The following PCDHA5 variants were observed in gnomAD, a reference collection of about 807,000 sequenced individuals.
PCDHA5 encodes protocadherin alpha 5.
In PCDHA5, 43 loss-of-function variants were observed where a neutral mutation model predicts 61.6. The ratio of observed to expected loss-of-function variants is 0.70; its 90% CI spans 0.55 to 0.90. PCDHA5 has a LOEUF of 0.90. Ranked by LOEUF, PCDHA5 falls within the 40% of genes least tolerant of loss-of-function variation. PCDHA5 has a pLI of 0.00. For synonymous variants in PCDHA5, 627 were observed against 543.9 expected (o/e 1.15, Z -2.13); for missense variants, 1,298 against 1,222.7 (o/e 1.06, Z -0.92).
chr5:141,000,405 A>C lies in PCDHA5; in HGVS notation c.2501-9222A>C, dbSNP rs1290838400. Among the ~76,000 whole-genome samples the C allele has an allele frequency of 7.9e-5, 7 of 88,832 alleles. No individual in the cohort carries two copies. In the East Asian group the frequency reaches 9.8e-4, roughly 12 times the overall value. The allele number at this position is 88,832 out of a possible 152,430, so 58.3% of individuals were successfully genotyped here. On this transcript the variant is annotated intron_variant, in intron 3 of 3. Transcript: ENST00000529859. ...TCTCTCTCTCTCTCTCTATATATAT[A>C]TATATATATATATATATTTTTTTTT...
chr5:140,969,011 A>G lies in PCDHA5; in HGVS notation c.2353-9938A>G, dbSNP rs1554231347. On this transcript the variant is annotated intron_variant, in intron 1 of 3. Transcript: ENST00000529859. Reference sequence around the variant, plus strand: ...ATGCTGTGGAGGCTTCTGTGGAGTAAGGGAAAGGTCCCCTGCAGAACTGTA... The same window carrying G: ...ATGCTGTGGAGGCTTCTGTGGAGTAGGGGAAAGGTCCCCTGCAGAACTGTA... The G allele has an allele frequency of 2.5e-6, 4 of 1,614,084 alleles. No individual in the cohort carries two copies. In the South Asian group the frequency reaches 4.4e-5, roughly 18 times the overall value.
chr5:141,002,975 A>G (rs188944079), intron 3 of PCDHA5, among the ~76,000 whole-genome samples: 1 of 152,338 alleles, frequency 6.6e-6, no homozygotes, highest in Admixed American at 6.5e-5. Context: ...TGAAAATAGT[A>G]TCCTTGGTCA....
intron 1 of PCDHA5, chr5:140,871,324 T>G (rs1554165430): frequency 3.1e-6 from 5 of 1,614,048 alleles, no homozygotes; most frequent in Non-Finnish European, 4.2e-6. Flanking sequence ...GCTGGTGTGC[T>G]CCCGCGCGGT....
intron 1 of PCDHA5, among the ~76,000 whole-genome samples, chr5:140,964,181 T>A (rs1563333888): frequency 6.6e-6 from 1 of 152,218 alleles, no homozygotes; most frequent in African/African-American, 2.4e-5. Context: ...ATCATTATAG[T>A]GCCAAATAGA....
chr5:140,841,952 T>C (rs1323540473), intron 1 of PCDHA5: 1 of 1,613,914 alleles, frequency 6.2e-7, no homozygotes, highest in African/African-American at 1.3e-5. Flanking sequence ...GCACCACTTA[T>C]TCCTGACAGC....
chr5:140,881,757 A>G (rs1238055344), intron 1 of PCDHA5, among the ~76,000 whole-genome samples: 1 of 152,166 alleles, frequency 6.6e-6, no homozygotes, highest in Non-Finnish European at 1.5e-5. Flanking sequence ...TACCACAAAA[A>G]CCTACATGAC....
At chr5:140,862,674 C>G (rs782474067) in intron 1 of PCDHA5, 12 of 549,972 alleles carry the variant, frequency 2.2e-5, no homozygotes, top group African/African-American at 3.8e-5. Flanking sequence ...CGCAGGAGAA[C>G]GTGCTGGTGT....
intron 1 of PCDHA5, chr5:140,928,484 G>A (rs1371678688): frequency 1.5e-5 from 25 of 1,614,026 alleles, no homozygotes; most frequent in African/African-American, 4.0e-5. Context: ...CGGGATGGTG[G>A]CATTCCTCCC....
chr5:140,853,444 A>G, intron 1 of PCDHA5: 1 of 982,390 alleles, frequency 1.0e-6, no homozygotes, highest in Non-Finnish European at 1.2e-6. Context: ...TATTTTGCCT[A>G]ATAGGTCTCC....
Position 140,857,842 on chromosome 5 carries a change from T to C in PCDHA5, c.2352+33715T>C, listed in dbSNP as rs932363961. 33 of 1,597,726 alleles carry C rather than the reference T, an allele frequency of 2.1e-5. 1 individual carries two copies. Among genetic ancestry groups the C allele is most frequent in the Non-Finnish European group, 2.7e-5 (32 of 1,167,518 alleles). ...TGGCTAAGGTGCGCGCAGTGGACGCTGACTCTGGATACAACGCGTGGCTGT... is the reference window on the plus strand; with the variant it reads ...TGGCTAAGGTGCGCGCAGTGGACGCCGACTCTGGATACAACGCGTGGCTGT... On this transcript the variant is annotated intron_variant, in intron 1 of 3. Transcript: ENST00000529859.
At chr5:140,836,381 G>T (rs2150259346) in intron 1 of PCDHA5, 8 of 1,613,746 alleles carry the variant, frequency 5.0e-6, no homozygotes, top group South Asian at 1.1e-5. Context: ...CCACCGTGCT[G>T]GTGTCGCTGG....
chr5:140,916,492 C>T (rs1310558218), intron 1 of PCDHA5, among the ~76,000 whole-genome samples: 2 of 152,170 alleles, frequency 1.3e-5, no homozygotes, highest in Admixed American at 6.5e-5. Context: ...GCTCTTTAGT[C>T]AGCAGGTGAT....
chr5:140,961,236 T>C (rs246004), intron 1 of PCDHA5, among the ~76,000 whole-genome samples: 47,773 of 152,034 alleles, frequency 0.31, 7,861 homozygotes, highest in East Asian at 0.53. Context: ...AAAAAGGTGA[T>C]GGAATTTATC....
At chr5:140,876,876 C>T (rs1439703522) in intron 1 of PCDHA5, 1 of 1,614,012 alleles carries the variant, frequency 6.2e-7, no homozygotes, top group Non-Finnish European at 8.5e-7. Context: ...AGGAGAACAA[C>T]CCGCCGGGCT....
intron 3 of PCDHA5, among the ~76,000 whole-genome samples, chr5:141,005,117 C>A (rs2098198148): frequency 6.6e-6 from 1 of 152,214 alleles, no homozygotes; most frequent in South Asian, 2.1e-4. Flanking sequence ...TCTTTAGGGA[C>A]CCCAAAAGTG....
At chr5:140,963,611 A>C (rs955529183) in intron 1 of PCDHA5, among the ~76,000 whole-genome samples, 1 of 152,208 alleles carries the variant, frequency 6.6e-6, no homozygotes, top group Admixed American at 6.5e-5. Context: ...TAATTGGGAA[A>C]GCTTAACTTT....
chr5:140,848,618 C>T lies in PCDHA5; in HGVS notation c.2352+24491C>T, dbSNP rs138258410. ...ACTCCGTCCCGGAGGAAGCCGAACA[C>T]GGCACCTTCGTGGGCCGCATCGCGC... is the stretch of plus-strand genomic sequence containing the variant. On this transcript the variant is annotated intron_variant, in intron 1 of 3. Transcript: ENST00000529859. The T allele has an allele frequency of 2.5e-3, 4,005 of 1,588,154 alleles. 452 individuals carry two copies. Among genetic ancestry groups the T allele is most frequent in the Middle Eastern group, 9.3e-3 (53 of 5,704 alleles).
At chr5:140,940,593 A>G (rs2092648765) in intron 1 of PCDHA5, among the ~76,000 whole-genome samples, 1 of 152,170 alleles carries the variant, frequency 6.6e-6, no homozygotes, top group Non-Finnish European at 1.5e-5. Flanking sequence ...GATTTCAGGC[A>G]TGAGCCGCTG....
intron 1 of PCDHA5, chr5:140,870,153 C>G (rs537593818): frequency 6.2e-7 from 1 of 1,614,088 alleles, no homozygotes; most frequent in East Asian, 2.2e-5. Flanking sequence ...CTGAAGTCGC[C>G]GTGACTTCCT....
Sources: allele counts gnomAD v4.1 joint callset (sites outside exome capture counted in the v4.1 genomes callset), GRCh38; gene constraint gnomAD v4.1.1; transcripts MANE v1.5; gene names NCBI Gene and HGNC (gene_info 2026-07-23, HGNC 2026-07-21).